The following SLC30A3 variants were observed in gnomAD, a reference collection of about 807,000 sequenced individuals.
The protein encoded by SLC30A3 is probable proton-coupled zinc antiporter SLC30A3.
In SLC30A3, 20 loss-of-function variants were observed where a neutral mutation model predicts 35.6. The observed-to-expected ratio is 0.56, with a 90% CI of 0.39 to 0.82. The LOEUF (loss-of-function observed/expected upper bound fraction) is 0.82. Ranked by LOEUF, SLC30A3 falls within the 40% of genes least tolerant of loss-of-function variation. The pLI is 0.00. For synonymous variants in SLC30A3, 217 were observed against 224.7 expected (o/e 0.97, Z 0.31); for missense variants, 401 against 530.6 (o/e 0.76, Z 2.40).
rs1676867796 is a variant in SLC30A3 at position 27,256,577 on chromosome 2, AC to A, written c.884-58del. On this transcript the variant is annotated intron_variant, in intron 6 of 7. Coordinates refer to ENST00000233535, the MANE Select transcript of SLC30A3 (RefSeq NM_003459.5). ...AGGGCTACTCCTGCCCAGAAGCAGC[AC>A]CCCCACCACTGGATTCCACCTCCCC... The A allele has an allele frequency of 2.5e-6, 4 of 1,605,366 alleles. No homozygotes were observed. The East Asian group carries it at 6.7e-5, about 27-fold the overall frequency.
rs1053840202 is a variant in SLC30A3, at chr2:27,255,490, A to C, written c.1019-30T>G. 3 of 1,607,042 alleles carry C rather than the reference A, an allele frequency of 1.9e-6. No individual in the cohort carries two copies. The African/African-American group carries it at 4.0e-5, about 21-fold the overall frequency. The stretch of plus-strand genomic sequence containing the variant: ...GGGAGAGTGATAAGAGGCGGCATCC[A>C]TCCCGGGGGAGAAAGAACAGGCAGG... On this transcript the variant is annotated intron_variant, in intron 7 of 7. Coordinates refer to ENST00000233535, the MANE Select transcript of SLC30A3 (RefSeq NM_003459.5). The surrounding 1 kb of genome is among the most constrained non-coding windows in gnomAD (Gnocchi z 5.2).
At chr2:27,268,155 G>GATACTGTTCTGTACTGTACAGTACT (rs1572489176) in intron 1 of SLC30A3, among the ~76,000 whole-genome samples, 1 of 152,194 alleles carries the variant, frequency 6.6e-6, no homozygotes, top group East Asian at 1.9e-4. Flanking sequence ...CCAGAACAGG[G>GATACTGTTCTGTACTGTACAGTACT]ATACTGTTCT....
chr2:27,258,676 A>T lies in SLC30A3; in HGVS notation c.277+77T>A. 2 of 1,502,088 alleles carry T rather than the reference A, an allele frequency of 1.3e-6. No individual in the cohort carries two copies. Among genetic ancestry groups the T allele is most frequent in the Non-Finnish European group, 1.8e-6 (2 of 1,084,790 alleles). 93.0% of individuals were successfully genotyped at this position (1,502,088 alleles called of 1,614,324 possible). A position where few individuals can be genotyped will look rare whatever the true frequency, so the allele number is the denominator to read the frequency against. On this transcript the variant is annotated intron_variant, in intron 2 of 7. Transcript: ENST00000233535. The surrounding 1 kb of genome is among the most constrained non-coding windows in gnomAD (Gnocchi z 4.0). ...CATCTCTGCATCTGCACCCAGGAACATTCCTGGGACTCTGGGTGGAGAGTG... is the reference window on the plus strand; with the variant it reads ...CATCTCTGCATCTGCACCCAGGAACTTTCCTGGGACTCTGGGTGGAGAGTG...
At position 27,257,127 on chromosome 2, in the gene SLC30A3, G is replaced by T; in HGVS notation, c.777+27C>A. ...CTGGGATGTGGTTGTGGGGAGGAAG[G>T]CTGGGGCAGGTCTCCAATGATGGTA... is the stretch of plus-strand genomic sequence containing the variant. On this transcript the variant is annotated intron_variant, in intron 5 of 7. Transcript: ENST00000233535. This position sits in a 1 kb window ranked among gnomAD's most constrained non-coding sequence, Gnocchi z 4.7. 1 of 1,607,158 alleles carries T rather than the reference G, an allele frequency of 6.2e-7. No individual in the cohort carries two copies. Among genetic ancestry groups the T allele is most frequent in the African/African-American group, 1.3e-5 (1 of 74,854 alleles).
At position 27,262,194 on chromosome 2, in the gene SLC30A3, GCCGCCCCCGGCC is replaced by G. The variant is rs1677225751; in HGVS notation, c.95+606_95+617del. The stretch of plus-strand genomic sequence containing the variant: ...CTCCGCGCGCCTCATTTCACACCTC[GCCGCCCCCGGCC>G]CCGTCTGTGCGGAGCCGGGAATACC... On this transcript the variant is annotated intron_variant, in intron 1 of 7. Coordinates refer to ENST00000233535, the MANE Select transcript of SLC30A3 (RefSeq NM_003459.5). This position sits in a 1 kb window ranked among gnomAD's most constrained non-coding sequence, Gnocchi z 7.5. The G allele has an allele frequency of 6.6e-6, 1 of 152,014 alleles. No homozygotes were observed. The highest frequency in any genetic ancestry group is 1.5e-5 in the Non-Finnish European group (1 of 68,024). The allele number at this position is 152,014 out of a possible 1,614,324, so 9.4% of individuals were successfully genotyped here. A position where few individuals can be genotyped will look rare whatever the true frequency, so the allele number is the denominator to read the frequency against.
chr2:27,263,055 G>A (rs927272471), upstream of SLC30A3: 67 of 1,362,982 alleles, frequency 4.9e-5, no homozygotes, highest in Non-Finnish European at 5.9e-5. Context: ...ACTGTGGCGC[G>A]CGGAGTCCGA....
chr2:27,264,679 G>C (rs968148929), upstream of SLC30A3, among the ~76,000 whole-genome samples: 2 of 148,652 alleles, frequency 1.3e-5, no homozygotes, highest in African/African-American at 5.3e-5. The surrounding 1 kb of genome is among the most constrained non-coding windows in gnomAD (Gnocchi z 6.1). Context: ...GCCCATGAGG[G>C]GTGAGGGGGT....
chr2:27,256,807 A>C lies in SLC30A3; in HGVS notation c.864T>G (p.Val288=), dbSNP rs1244064179. 1 of 1,604,010 alleles carries C rather than the reference A, an allele frequency of 6.2e-7. No homozygotes were observed. The highest frequency in any genetic ancestry group is 2.2e-5 in the East Asian group (1 of 44,820). Residue 288 remains valine, a synonymous_variant, in exon 6 of 8, where the codon GTT becomes GTG. Coordinates refer to ENST00000233535, the MANE Select transcript of SLC30A3 (RefSeq NM_003459.5). ...LGSTAPTLRD[V]LRILMEGTPR... The stretch of plus-strand genomic sequence containing the variant: ...ACTCACCTTCCATGAGGATTCGAAG[A>C]ACGTCTCGGAGGGTGGGAGCGGTGG...
In SLC30A3 at chr2:27,254,844, T is replaced by C; in HGVS notation, c.*468A>G. 1 of 300,178 alleles carries C rather than the reference T, an allele frequency of 3.3e-6. No individual in the cohort carries two copies. Among genetic ancestry groups the C allele is most frequent in the Non-Finnish European group, 6.4e-6 (1 of 155,096 alleles). The allele number at this position is 300,178 out of a possible 1,614,324, so 18.6% of individuals were successfully genotyped here. A position where few individuals can be genotyped will look rare whatever the true frequency, so the allele number is the denominator to read the frequency against. On this transcript the variant is annotated 3_prime_UTR_variant, in exon 8 of 8. Transcript: ENST00000233535. ...AGACACACGGACAAAGTGCGGGCTTTGGGGCCCCTGCATAGACAGAGCGAG... is the reference window on the plus strand; with the variant it reads ...AGACACACGGACAAAGTGCGGGCTTCGGGGCCCCTGCATAGACAGAGCGAG...
Position 27,257,372 on chromosome 2 carries a change from C to T in SLC30A3, c.579-20G>A. The T allele has an allele frequency of 5.7e-6, 9 of 1,591,126 alleles. No individual in the cohort carries two copies. The highest frequency in any genetic ancestry group is 7.7e-6 in the Non-Finnish European group (9 of 1,169,206). On this transcript the variant is annotated intron_variant, in intron 4 of 7. Transcript: ENST00000233535. The surrounding 1 kb of genome is among the most constrained non-coding windows in gnomAD (Gnocchi z 4.7). ...GCCATTCTGAGGGGTAAGCAGAGCA[C>T]CTCAGCCTAGGGCCCTGCTCCTGGC...
At position 27,257,362 on chromosome 2, in the gene SLC30A3, A is replaced by G. The variant is rs1572470176; in HGVS notation, c.579-10T>C. On this transcript the variant is annotated splice_polypyrimidine_tract_variant and intron_variant, in intron 4 of 7. Transcript: ENST00000233535. The surrounding 1 kb of genome is among the most constrained non-coding windows in gnomAD (Gnocchi z 4.7). The stretch of plus-strand genomic sequence containing the variant: ...CAGCACAAAGGCCATTCTGAGGGGT[A>G]AGCAGAGCACCTCAGCCTAGGGCCC... The G allele has an allele frequency of 3.7e-6, 6 of 1,602,288 alleles. No homozygotes were observed. The highest frequency in any genetic ancestry group is 1.3e-5 in the African/African-American group (1 of 74,640).
At position 27,255,019 on chromosome 2, in the gene SLC30A3, G is replaced by GGGAGATGGCACACA. The variant is rs557899110; in HGVS notation, c.*292_*293insTGTGTGCCATCTCC. ...TGTTCGTGGCTCCACATGAACCATG[G>GGGAGATGGCACACA]GGAGATGGCACCACAGGCCTTCAAC... On this transcript the variant is annotated 3_prime_UTR_variant, in exon 8 of 8. Coordinates refer to ENST00000233535, the MANE Select transcript of SLC30A3 (RefSeq NM_003459.5). This position sits in a 1 kb window ranked among gnomAD's most constrained non-coding sequence, Gnocchi z 5.2. The GGGAGATGGCACACA allele has an allele frequency of 1.0e-4, 127 of 1,266,068 alleles. 4 individuals carry two copies. In the South Asian group the frequency reaches 1.8e-3, roughly 18 times the overall value. The allele number at this position is 1,266,068 out of a possible 1,614,324, so 78.4% of individuals were successfully genotyped here.
At position 27,258,724 on chromosome 2, in the gene SLC30A3, T is replaced by C; in HGVS notation, c.277+29A>G. The C allele has an allele frequency of 6.2e-7, 1 of 1,612,512 alleles. No homozygotes were observed. Among genetic ancestry groups the C allele is most frequent in the Non-Finnish European group, 8.5e-7 (1 of 1,178,926 alleles). ...GTGGCTTGGGCAGGTATTTGGAGAA[T>C]GGGGTTTAAGGGCTGCTCCCCAACT... On this transcript the variant is annotated intron_variant, in intron 2 of 7. Coordinates refer to ENST00000233535, the MANE Select transcript of SLC30A3 (RefSeq NM_003459.5). The surrounding 1 kb of genome is among the most constrained non-coding windows in gnomAD (Gnocchi z 4.0).
At chr2:27,259,009 G>C in intron 1 of SLC30A3, 75 bp from the exon 2 acceptor site, 2 of 1,230,672 alleles carry the variant, frequency 1.6e-6, no homozygotes, top group Non-Finnish European at 2.2e-6. Context: ...TTAGTCCCCA[G>C]TGCTGGCCTC....
At position 27,257,279 on chromosome 2, in the gene SLC30A3, C is replaced by T. The variant is rs773788254; in HGVS notation, c.652G>A (p.Glu218Lys). 3 of 1,614,044 alleles carry T rather than the reference C, an allele frequency of 1.9e-6. No homozygotes were observed. Among genetic ancestry groups the T allele is most frequent in the Non-Finnish European group, 2.5e-6 (3 of 1,179,966 alleles). The part of the protein sequence containing the change: ...GSRGAEYAPL[E>K]EGPEEPLPLG... Reference sequence around the variant, plus strand: ...GGCAGGGGCTCTTCAGGCCCCTCCTCCAGCGGTGCATACTCTGCTCCCCTA... The same window carrying T: ...GGCAGGGGCTCTTCAGGCCCCTCCTTCAGCGGTGCATACTCTGCTCCCCTA... Residue 218 changes from glutamate to lysine, a missense_variant, in exon 5 of 8, where the codon GAG becomes AAG. Physicochemically the swap from Glu to Lys is moderately conservative, Grantham distance 56. Coordinates refer to ENST00000233535, the MANE Select transcript of SLC30A3 (RefSeq NM_003459.5). This position sits in a 1 kb window ranked among gnomAD's most constrained non-coding sequence, Gnocchi z 4.7.
chr2:27,271,588 C>T lies in SLC30A3; in HGVS notation c.-159+3589G>A, dbSNP rs1291078804. Among the ~76,000 whole-genome samples, 1 of 152,234 alleles carries T rather than the reference C, an allele frequency of 6.6e-6. No individual in the cohort carries two copies. Among genetic ancestry groups the T allele is most frequent in the African/African-American group, 2.4e-5 (1 of 41,460 alleles). On this transcript the variant is annotated intron_variant, in intron 1 of 5. Coordinates refer to the SLC30A3 transcript ENST00000424577. The surrounding 1 kb of genome is among the most constrained non-coding windows in gnomAD (Gnocchi z 4.3). ...ATGAAATGATTTGTCTAAGATCACA[C>T]AGCCTGTGAGGGCCAGAGCCAGAGC...
chr2:27,273,721 C>T (rs13386447), intron 1 of SLC30A3, among the ~76,000 whole-genome samples: 7,659 of 152,158 alleles, frequency 0.05, 604 homozygotes, highest in African/African-American at 0.17. Flanking sequence ...GCAGTCATCA[C>T]GTCTGCTACA....
In SLC30A3 at chr2:27,273,047, A is replaced by AT. The variant is rs1183623727; in HGVS notation, c.-159+2129_-159+2130insA. Among the ~76,000 whole-genome samples the AT allele has an allele frequency of 1.1e-3, 167 of 145,486 alleles. 1 individual carries two copies. Among genetic ancestry groups the AT allele is most frequent in the African/African-American group, 4.2e-3 (160 of 37,690 alleles). On this transcript the variant is annotated intron_variant, in intron 1 of 5. Coordinates refer to the SLC30A3 transcript ENST00000424577. Reference sequence around the variant, plus strand: ...ACTAAGACCTTGTCTCAAAAAAAAAAAAAAATATATATATATATATGGATA... The same window carrying AT: ...ACTAAGACCTTGTCTCAAAAAAAAAATAAAAATATATATATATATATGGATA...
At chr2:27,272,926 C>T (rs1239570276) in intron 1 of SLC30A3, among the ~76,000 whole-genome samples, 3 of 151,262 alleles carry the variant, frequency 2.0e-5, no homozygotes. Context: ...CTGGTGCATG[C>T]CTTTAGTCCC....
Sources: allele counts gnomAD v4.1 joint callset (sites outside exome capture counted in the v4.1 genomes callset), GRCh38; gene constraint gnomAD v4.1.1; non-coding constraint Gnocchi (gnomAD v3.1); transcripts MANE v1.5; gene names NCBI Gene and HGNC (gene_info 2026-07-23, HGNC 2026-07-21).